NDST4: variants seen among roughly 807,000 people sequenced by gnomAD.
NDST4 encodes N-deacetylase and N-sulfotransferase 4.
A neutral mutation model predicts 100.8 loss-of-function variants in NDST4; 63 were observed. That is an observed-to-expected ratio of 0.62 (90% CI 0.51 to 0.77). NDST4 has a LOEUF of 0.77. NDST4 is among the 30% of genes least tolerant of loss of function. The probability of loss-of-function intolerance (pLI) is 0.00; values close to 1 mark genes in which losing one functional copy is unlikely to be tolerated. For synonymous variants in NDST4, 377 were observed against 361.8 expected, an observed-to-expected ratio of 1.04 and a Z score of -0.48; for missense variants, 943 against 1,018.4, an observed-to-expected ratio of 0.93 and a Z score of 1.01.
At chr4:114,993,827 A>G (rs1727103172) in intron 2 of NDST4, among the ~76,000 whole-genome samples, 1 of 151,922 alleles carries the variant, frequency 6.6e-6, no homozygotes, top group Non-Finnish European at 1.5e-5. Context: ...GCAAAATAAA[A>G]TTGGGAATTT....
At chr4:115,033,261 A>G (rs1019577031) in intron 2 of NDST4, among the ~76,000 whole-genome samples, 1 of 149,178 alleles carries the variant, frequency 6.7e-6, no homozygotes, top group South Asian at 2.1e-4. Flanking sequence ...TCAAGCATTC[A>G]GCCTCCCGAG....
chr4:114,910,473 C>T (rs1725041237), intron 6 of NDST4, among the ~76,000 whole-genome samples: 1 of 152,114 alleles, frequency 6.6e-6, no homozygotes, highest in African/African-American at 2.4e-5. Flanking sequence ...ATTCTTTGTC[C>T]TAGAGAAAAT....
chr4:114,841,255 C>G (rs1478697735), intron 10 of NDST4, among the ~76,000 whole-genome samples: 2 of 152,130 alleles, frequency 1.3e-5, no homozygotes, highest in Non-Finnish European at 2.9e-5. Context: ...AGCTCCTCTG[C>G]GAGGTCCGTT....
chr4:114,855,727 T>G (rs1023249380), intron 7 of NDST4, among the ~76,000 whole-genome samples: 1 of 152,176 alleles, frequency 6.6e-6, no homozygotes, highest in African/African-American at 2.4e-5. Context: ...ATTTTGTACT[T>G]TTTGCCTAGG....
chr4:114,995,098 G>T lies in NDST4; in HGVS notation c.979-17824C>A, dbSNP rs188565835. Among the ~76,000 whole-genome samples the T allele has an allele frequency of 2.3e-3, 351 of 152,136 alleles. 6 individuals are homozygous for T. The highest frequency in any genetic ancestry group is 0.021 in the Admixed American group (322 of 15,238). The stretch of plus-strand genomic sequence containing the variant: ...ACAACTTTTCCTCTAGAATCCCCAA[G>T]AAGCATTTAAGTTATTATTCTTTCT... On this transcript the variant is annotated intron_variant, in intron 2 of 13. Transcript: ENST00000264363.
chr4:114,983,303 C>T (rs1415847852), intron 2 of NDST4, among the ~76,000 whole-genome samples: 3 of 152,224 alleles, frequency 2.0e-5, no homozygotes, highest in Non-Finnish European at 4.4e-5. Context: ...ACTCTCAATG[C>T]CAGCCTGTGA....
intron 6 of NDST4, among the ~76,000 whole-genome samples, chr4:114,894,454 C>T (rs928484791): frequency 2.2e-4 from 33 of 152,150 alleles, no homozygotes; most frequent in African/African-American, 7.2e-4. Context: ...GAGGTCATTA[C>T]ATCTCTTGTT....
intron 2 of NDST4, among the ~76,000 whole-genome samples, chr4:115,004,698 A>G (rs916393105): frequency 2.0e-5 from 3 of 152,228 alleles, no homozygotes; most frequent in Admixed American, 6.5e-5. Context: ...TTATTCTACT[A>G]TAACAGGTGT....
chr4:114,995,626 A>T (rs755483951), intron 2 of NDST4, among the ~76,000 whole-genome samples: 9 of 152,048 alleles, frequency 5.9e-5, no homozygotes, highest in Admixed American at 5.9e-4. Context: ...CTTCTGTGGG[A>T]ATTTTATTTG....
intron 2 of NDST4, among the ~76,000 whole-genome samples, chr4:115,066,062 C>T (rs1728938953): frequency 6.6e-6 from 1 of 152,100 alleles, no homozygotes. Context: ...GTCTTGGTCC[C>T]CATTGTGTAC....
In NDST4 at chr4:114,913,383, G is replaced by A. The variant is rs537271059; in HGVS notation, c.1536+21823C>T. Reference sequence around the variant, plus strand: ...ACAATAGTTATTTTTGCCTATAGTGGTGCTTCTCAAACTTTGGTATATAAA... The same window carrying A: ...ACAATAGTTATTTTTGCCTATAGTGATGCTTCTCAAACTTTGGTATATAAA... On this transcript the variant is annotated intron_variant, in intron 6 of 13. Transcript: ENST00000264363. Among the ~76,000 whole-genome samples, 19 of 151,994 alleles carry A rather than the reference G, an allele frequency of 1.3e-4. No individual in the cohort carries two copies. The South Asian group carries it at 3.9e-3, about 32-fold the overall frequency.
In NDST4 at chr4:115,076,546, A is replaced by T. The variant is rs757470148; in HGVS notation, c.491T>A (p.Phe164Tyr). The T allele has an allele frequency of 1.2e-6, 2 of 1,613,864 alleles. No homozygotes were observed. The highest frequency in any genetic ancestry group is 1.3e-5 in the African/African-American group (1 of 74,924). ...CVEYSVSIIG[F>Y]HKANENSLPS... ...TAAGCTGTTCTCATTGGCTTTATGA[A>T]AACCGATTATACTAACACTGTATTC... The change falls in exon 2 of 14, where the codon TTT becomes TAT. Residue 164 changes from phenylalanine (F) to tyrosine (Y), a missense_variant. Transcript: ENST00000264363.
At chr4:115,008,403 A>G (rs1458257907) in intron 2 of NDST4, among the ~76,000 whole-genome samples, 2 of 128,964 alleles carry the variant, frequency 1.6e-5, no homozygotes, top group African/African-American at 5.9e-5. Flanking sequence ...GGTGGTGACA[A>G]AATCACTCAG....
intron 2 of NDST4, among the ~76,000 whole-genome samples, chr4:115,004,250 A>G (rs1209948904): frequency 1.3e-5 from 2 of 152,244 alleles, no homozygotes; most frequent in Non-Finnish European, 2.9e-5. Flanking sequence ...AAAATTAATT[A>G]GAAGTTTTTT....
intron 1 of NDST4, among the ~76,000 whole-genome samples, chr4:115,096,060 T>C (rs1258673664): frequency 1.3e-5 from 2 of 151,982 alleles, no homozygotes; most frequent in African/African-American, 4.8e-5. Context: ...AATCAATTAT[T>C]ATATTAATTC....
intron 6 of NDST4, among the ~76,000 whole-genome samples, chr4:114,933,822 T>C (rs1331640589): frequency 1.3e-5 from 2 of 152,138 alleles, no homozygotes; most frequent in African/African-American, 4.8e-5. Context: ...TCACACCTGT[T>C]AAAATGACTA....
chr4:115,017,729 T>A (rs1727709586), intron 2 of NDST4, among the ~76,000 whole-genome samples: 1 of 152,010 alleles, frequency 6.6e-6, no homozygotes, highest in African/African-American at 2.4e-5. Flanking sequence ...AATGTCTCAG[T>A]TATTTAGGAA....
chr4:115,013,346 C>CATATAT (rs200801455), intron 2 of NDST4, among the ~76,000 whole-genome samples: 3,870 of 65,308 alleles, frequency 0.059, 300 homozygotes, highest in Middle Eastern at 0.11. Context: ...ATATAAATAC[C>CATATAT]ATATATATAT....
Position 115,008,017 on chromosome 4 carries a change from C to A in NDST4, c.979-30743G>T, listed in dbSNP as rs1283987770. On this transcript the variant is annotated intron_variant, in intron 2 of 13. Coordinates refer to ENST00000264363, the MANE Select transcript of NDST4 (RefSeq NM_022569.3). Reference sequence around the variant, plus strand: ...CTAAATTTCTTTATTTCCTTTTCAACTAAATTAGAAACCCTGGGAATGACC... The same window carrying A: ...CTAAATTTCTTTATTTCCTTTTCAAATAAATTAGAAACCCTGGGAATGACC... 1.5e-5 allele frequency among the ~76,000 whole-genome samples: 2 copies of A among 129,642 alleles called. 1 individual carries two copies. 85.1% of individuals were successfully genotyped at this position (129,642 alleles called of 152,430 possible).
Sources: gnomAD v4.1 joint callset for allele counts (sites outside exome capture counted in the v4.1 genomes callset) on GRCh38, gnomAD v4.1.1 for gene constraint, MANE v1.5 for transcripts, NCBI Gene and HGNC (gene_info 2026-07-23, HGNC 2026-07-21) for gene names.